The following JPH1 variants were observed in gnomAD, a reference collection of about 807,000 sequenced individuals.
The protein encoded by JPH1 is junctophilin 1.
JPH1 carries 12 observed loss-of-function variants against 53.6 expected under a neutral mutation model. The ratio of observed to expected loss-of-function variants is 0.22; its 90% CI spans 0.14 to 0.36. The LOEUF (loss-of-function observed/expected upper bound fraction) is 0.36. Among genes scored for constraint, JPH1 ranks in the 10% least tolerant of loss-of-function variants. The probability of loss-of-function intolerance (pLI) is 1.00; values close to 1 mark genes in which losing one functional copy is unlikely to be tolerated. For missense variants in JPH1, 808 were observed against 905.5 expected (o/e 0.89, Z 1.38); for synonymous variants, 375 against 363.8 (o/e 1.03, Z -0.35).
chr8:74,266,596 A>C (rs1279095917), intron 2 of JPH1, among the ~76,000 whole-genome samples: 3 of 152,200 alleles, frequency 2.0e-5, no homozygotes, highest in Non-Finnish European at 2.9e-5. Flanking sequence ...TTGCAAGATG[A>C]AAATGTTCTG....
intron 2 of JPH1, among the ~76,000 whole-genome samples, chr8:74,294,520 A>G (rs1488528657): frequency 1.3e-5 from 2 of 152,196 alleles, no homozygotes; most frequent in Non-Finnish European, 2.9e-5. Context: ...CTCTCTTCTC[A>G]CAAGAATTCT....
At chr8:74,264,201 A>G (rs1288131412) in intron 2 of JPH1, among the ~76,000 whole-genome samples, 1 of 152,230 alleles carries the variant, frequency 6.6e-6, no homozygotes, top group East Asian at 1.9e-4. Context: ...TAGAATAGAC[A>G]ATAATTCTGC....
At chr8:74,312,548 C>A (rs1470804008) in intron 2 of JPH1, among the ~76,000 whole-genome samples, 1 of 152,186 alleles carries the variant, frequency 6.6e-6, no homozygotes, top group African/African-American at 2.4e-5. Context: ...TAGCACCTGA[C>A]CTTGACAAAT....
At chr8:74,262,401 G>C (rs117153709) in intron 2 of JPH1, among the ~76,000 whole-genome samples, 2,390 of 152,280 alleles carry the variant, frequency 0.016, 52 homozygotes, top group East Asian at 0.084. Context: ...TCTTGCGTTG[G>C]GGGGTGGGAT....
chr8:74,308,200 A>T (rs912744016), intron 2 of JPH1, among the ~76,000 whole-genome samples: 3 of 152,228 alleles, frequency 2.0e-5, no homozygotes, highest in Non-Finnish European at 4.4e-5. Context: ...CAGTTAGGAT[A>T]AGCTGACTTC....
chr8:74,237,096 C>T (rs1807022123), intron 5 of JPH1, 61 bp from the exon 6 acceptor site: 1 of 696,660 alleles, frequency 1.4e-6, no homozygotes, highest in East Asian at 2.7e-5. Flanking sequence ...TCAGGCATAG[C>T]CAAAATTAAA....
At chr8:74,257,702 G>A (rs16938839) in intron 3 of JPH1, among the ~76,000 whole-genome samples, 2,134 of 152,048 alleles carry the variant, frequency 0.014, 64 homozygotes, top group African/African-American at 0.049. Context: ...ACCAGAGGTC[G>A]CTGCAAAAAA....
chr8:74,267,280 A>ACC (rs1806561020), intron 2 of JPH1, among the ~76,000 whole-genome samples: 1 of 152,240 alleles, frequency 6.6e-6, no homozygotes, highest in African/African-American at 2.4e-5. Context: ...TCAAAAAAGC[A>ACC]AAGAACTGGG....
intron 2 of JPH1, among the ~76,000 whole-genome samples, chr8:74,287,355 G>A (rs1807196676): frequency 6.6e-6 from 1 of 151,794 alleles, no homozygotes; most frequent in African/African-American, 2.4e-5. Flanking sequence ...GTGAACCTGG[G>A]AGGCAGAGGT....
At position 74,321,396 on chromosome 8, in the gene JPH1, C is replaced by T; in HGVS notation, c.-109G>A. 1 of 1,103,468 alleles carries T rather than the reference C, an allele frequency of 9.1e-7. No individual in the cohort carries two copies. The highest frequency in any genetic ancestry group is 1.2e-6 in the Non-Finnish European group (1 of 835,818). The allele number at this position is 1,103,468 out of a possible 1,614,324, so 68.4% of individuals were successfully genotyped here. On this transcript the variant is annotated 5_prime_UTR_variant, in exon 1 of 6. Coordinates refer to ENST00000342232, the MANE Select transcript of JPH1 (RefSeq NM_020647.4). This position sits in a 1 kb window ranked among gnomAD's most constrained non-coding sequence, Gnocchi z 4.3. ...GGCCCGGCGGGCGAGCTCACGACAGCGCCCTGGGCAGCTCGCGCTGCCGCT... is the reference window on the plus strand; with the variant it reads ...GGCCCGGCGGGCGAGCTCACGACAGTGCCCTGGGCAGCTCGCGCTGCCGCT...
chr8:74,295,053 A>G (rs573151977), intron 2 of JPH1, among the ~76,000 whole-genome samples: 3 of 152,212 alleles, frequency 2.0e-5, no homozygotes, highest in African/African-American at 7.2e-5. Context: ...TTTGAATGAC[A>G]ATAGCACTTT....
At chr8:74,310,291 A>C (rs1399163108) in intron 2 of JPH1, among the ~76,000 whole-genome samples, 1 of 135,648 alleles carries the variant, frequency 7.4e-6, no homozygotes, top group African/African-American at 3.8e-5. Flanking sequence ...CATTTCTTAA[A>C]AAAAAAAAAA....
chr8:74,250,462 A>G (rs981756705), intron 3 of JPH1, among the ~76,000 whole-genome samples: 2 of 152,198 alleles, frequency 1.3e-5, no homozygotes, highest in Admixed American at 6.5e-5. Context: ...TGGGAGAAAG[A>G]GCCACAAATC....
intron 2 of JPH1, among the ~76,000 whole-genome samples, chr8:74,283,314 T>C (rs1807067068): frequency 6.6e-6 from 1 of 152,004 alleles, no homozygotes; most frequent in Non-Finnish European, 1.5e-5. Flanking sequence ...ATAGTGTCAT[T>C]TATATAAATT....
intron 2 of JPH1, among the ~76,000 whole-genome samples, chr8:74,277,114 C>T (rs1806870547): frequency 6.6e-6 from 1 of 152,208 alleles, no homozygotes. Flanking sequence ...GAGGTTTCAG[C>T]AGGTGATGCA....
intron 2 of JPH1, among the ~76,000 whole-genome samples, chr8:74,296,676 T>A (rs1201979104): frequency 6.6e-6 from 1 of 152,242 alleles, no homozygotes; most frequent in Non-Finnish European, 1.5e-5. Context: ...CCTGCAAATA[T>A]ATCAGCTTGC....
chr8:74,268,334 C>T (rs10112484), intron 2 of JPH1, among the ~76,000 whole-genome samples: 10,597 of 152,088 alleles, frequency 0.07, 944 homozygotes, highest in African/African-American at 0.2. Context: ...CATTGTTCTC[C>T]AGCAGGGCTG....
chr8:74,256,435 T>C (rs1328595095), intron 3 of JPH1, among the ~76,000 whole-genome samples: 3 of 151,510 alleles, frequency 2.0e-5, no homozygotes, highest in African/African-American at 7.3e-5. Context: ...GAGATATACC[T>C]AATGCTAAAT....
intron 3 of JPH1, among the ~76,000 whole-genome samples, chr8:74,248,579 G>T (rs1805934542): frequency 6.6e-6 from 1 of 152,200 alleles, no homozygotes. Context: ...TATGTCCATA[G>T]CACCAGCCTT....
Sources: gnomAD v4.1 joint callset for allele counts (sites outside exome capture counted in the v4.1 genomes callset) on GRCh38, gnomAD v4.1.1 for gene constraint, Gnocchi (gnomAD v3.1) non-coding constraint, MANE v1.5 for transcripts, NCBI Gene and HGNC (gene_info 2026-07-23, HGNC 2026-07-21) for gene names.